C1QB: variants seen among roughly 807,000 people sequenced by gnomAD.
The protein encoded by C1QB is complement C1q subcomponent subunit B.
In C1QB, 2 loss-of-function variants were observed where a neutral mutation model predicts 4.6. The ratio of observed to expected loss-of-function variants is 0.43; its 90% confidence interval spans 0.18 to 1.36. C1QB has a LOEUF of 1.36. Among genes scored for constraint, C1QB ranks in the 40% most tolerant of loss-of-function variants. The probability of loss-of-function intolerance (pLI) is 0.28; values close to 1 mark genes in which losing one functional copy is unlikely to be tolerated. For missense variants in C1QB, 292 were observed against 338.0 expected, an observed-to-expected ratio of 0.86 and a Z score of 1.07; for synonymous variants, 132 against 137.1, an observed-to-expected ratio of 0.96 and a Z score of 0.26.
rs758439232 is a variant in C1QB at position 22,660,908 on chromosome 1, TG to T, written c.281del (p.Gly94AlafsTer50). The T allele has an allele frequency of 1.1e-5, 17 of 1,612,808 alleles. No homozygotes were observed. Among genetic ancestry groups the T allele is most frequent in the Non-Finnish European group, 1.4e-5 (16 of 1,179,526 alleles). ...GGAAAAGTCGGCCCCAAGGGCCCCATGGGCCCTAAAGGTGGCCCAGGGGCCC... is the reference window on the plus strand; with the variant it reads ...GGAAAAGTCGGCCCCAAGGGCCCCATGGCCCTAAAGGTGGCCCAGGGGCCC... The part of the protein sequence containing the change: ...NPGKVGPKGP[M>X]GPKGGPGAPG... On this transcript the variant is annotated frameshift_variant, in exon 3 of 3. Transcript: ENST00000509305. LOFTEE classifies it low-confidence loss of function (END_TRUNC).
At chr1:22,654,996 C>A (rs1642510274) in intron 1 of C1QB, among the ~76,000 whole-genome samples, 1 of 152,184 alleles carries the variant, frequency 6.6e-6, no homozygotes, top group Non-Finnish European at 1.5e-5. Context: ...GGGTTTGACT[C>A]CCAGCCACAC....
chr1:22,656,117 CACA>C (rs1044624734), intron 1 of C1QB, among the ~76,000 whole-genome samples: 10 of 152,240 alleles, frequency 6.6e-5, no homozygotes, highest in Admixed American at 5.9e-4. Flanking sequence ...GCTGAGTGAA[CACA>C]ACGTTTGTGC....
intron 1 of C1QB, 148 bp from the exon 2 acceptor site, chr1:22,659,292 A>ATGGATGGATG: frequency 1.6e-6 from 1 of 639,890 alleles, no homozygotes; most frequent in Non-Finnish European, 2.7e-6. Flanking sequence ...AGGGATAGAG[A>ATGGATGGATG]GATGGATGGA....
At position 22,659,381 on chromosome 1, in the gene C1QB, TGG is replaced by T. The variant is rs1172958922; in HGVS notation, c.-23-58_-23-57del. ...ATGGATGGATGGATGGATGGATGGA[TGG>T]ATGGATGGATGATAGGATCACCACG... On this transcript the variant is annotated intron_variant, in intron 1 of 2. Transcript: ENST00000509305. 4 of 1,439,362 alleles carry T rather than the reference TGG, an allele frequency of 2.8e-6. No individual in the cohort carries two copies. In the African/African-American group the frequency reaches 5.6e-5, roughly 20 times the overall value. 89.2% of individuals were successfully genotyped at this position (1,439,362 alleles called of 1,614,324 possible). A position where few individuals can be genotyped will look rare whatever the true frequency, so the allele number is the denominator to read the frequency against.
At chr1:22,660,071 T>C (rs1373377946) in intron 2 of C1QB, among the ~76,000 whole-genome samples, 1 of 152,214 alleles carries the variant, frequency 6.6e-6, no homozygotes, top group Non-Finnish European at 1.5e-5. Context: ...CTCCCAGCCT[T>C]GAAAACCCCT....
intron 1 of C1QB, among the ~76,000 whole-genome samples, chr1:22,657,561 G>T (rs1642546857): frequency 1.3e-5 from 2 of 152,150 alleles, no homozygotes; most frequent in Non-Finnish European, 2.9e-5. Context: ...ACAGAAAGCA[G>T]ATTCATGGTT....
In C1QB at chr1:22,661,165, T is replaced by C; in HGVS notation, c.535T>C (p.Cys179Arg). The change falls in exon 3 of 3, where the codon TGC becomes CGC. Residue 179 changes from cysteine (C) to arginine (R), a missense_variant. Physicochemically the swap from Cys to Arg is radical, Grantham distance 180. Transcript: ENST00000509305. ...CCACGCCAGCTCTCGAGGGAACCTGTGCGTGAACCTCATGCGTGGCCGGGA... is the reference window on the plus strand; with the variant it reads ...CCACGCCAGCTCTCGAGGGAACCTGCGCGTGAACCTCATGCGTGGCCGGGA... ...TYHASSRGNL[C>R]VNLMRGRERA... is the part of the protein sequence containing the mutation. 1.9e-6 allele frequency: 3 copies of C among 1,614,124 alleles called. No individual in the cohort carries two copies. The highest frequency in any genetic ancestry group is 1.7e-5 in the Admixed American group (1 of 60,022).
chr1:22,660,249 G>A (rs759308820), intron 2 of C1QB, among the ~76,000 whole-genome samples: 7 of 152,126 alleles, frequency 4.6e-5, no homozygotes, highest in African/African-American at 1.7e-4. Flanking sequence ...CTCAGTCAAG[G>A]TGACACCACT....
chr1:22,659,456 T>G lies in C1QB; in HGVS notation c.-7T>G. The G allele has an allele frequency of 6.2e-7, 1 of 1,613,930 alleles. No individual in the cohort carries two copies. Among genetic ancestry groups the G allele is most frequent in the Non-Finnish European group, 8.5e-7 (1 of 1,179,948 alleles). ...TCTCCACAGGAGGCGTCTGACACAG[T>G]ATGATGATGAAGATCCCATGGGGCA... On this transcript the variant is annotated 5_prime_UTR_variant, in exon 2 of 3. Coordinates refer to ENST00000509305, the MANE Select transcript of C1QB (RefSeq NM_001378156.1).
Position 22,661,004 on chromosome 1 carries a change from C to G in C1QB, c.374C>G (p.Thr125Arg). 1 of 1,614,066 alleles carries G rather than the reference C, an allele frequency of 6.2e-7. No homozygotes were observed. Among genetic ancestry groups the G allele is most frequent in the Non-Finnish European group, 8.5e-7 (1 of 1,180,006 alleles). The change falls in exon 3 of 3, where the codon ACA (threonine) becomes AGA (arginine). Residue 125 changes from threonine (T) to arginine (R), a missense_variant. Coordinates refer to ENST00000509305, the MANE Select transcript of C1QB (RefSeq NM_001378156.1). ...ACCCAGAAAATCGCCTTCTCTGCCA[C>G]AAGAACCATCAACGTCCCCCTGCGC... is the stretch of plus-strand genomic sequence containing the variant. ...KATQKIAFSA[T>R]RTINVPLRRD... is the part of the protein sequence containing the mutation.
intron 2 of C1QB, 47 bp downstream of exon 2, chr1:22,659,690 C>A: frequency 1.3e-6 from 2 of 1,561,886 alleles, no homozygotes; most frequent in South Asian, 1.2e-5. Context: ...CCAAATTTCC[C>A]GTCTCCTGCC....
At chr1:22,653,711 C>A (rs890446668) in intron 1 of C1QB, among the ~76,000 whole-genome samples, 2 of 152,190 alleles carry the variant, frequency 1.3e-5, no homozygotes, top group African/African-American at 4.8e-5. Flanking sequence ...AAGCTTAGTG[C>A]ATGCCCTGGC....
chr1:22,659,123 T>G (rs1260951047), intron 1 of C1QB, among the ~76,000 whole-genome samples: 3 of 122,922 alleles, frequency 2.4e-5, no homozygotes, highest in African/African-American at 6.5e-5. Flanking sequence ...GATAGAGAGA[T>G]AGATGGATGG....
chr1:22,659,064 T>TGGAG (rs1642574483), intron 1 of C1QB, among the ~76,000 whole-genome samples: 1 of 134,738 alleles, frequency 7.4e-6, no homozygotes, highest in Non-Finnish European at 1.6e-5. Flanking sequence ...GATGGATGGA[T>TGGAG]GGATGGATGG....
At chr1:22,659,745 C>G (rs1570097921) in intron 2 of C1QB, 102 bp downstream of exon 2, 1 of 1,352,252 alleles carries the variant, frequency 7.4e-7, no homozygotes, top group East Asian at 2.5e-5. Flanking sequence ...AAAGCACTGG[C>G]AAATCCAGCA....
intron 1 of C1QB, among the ~76,000 whole-genome samples, chr1:22,655,805 G>T (rs1484520080): frequency 6.6e-6 from 1 of 152,176 alleles, no homozygotes; most frequent in Non-Finnish European, 1.5e-5. Context: ...TGGGAAGTAG[G>T]CAGAGACCAC....
In C1QB at chr1:22,660,847, G is replaced by A. The variant is rs35477594; in HGVS notation, c.217G>A (p.Gly73Arg). 7.7e-4 allele frequency: 1,250 copies of A among 1,613,896 alleles called. 2 individuals carry two copies. Among genetic ancestry groups the A allele is most frequent in the Non-Finnish European group, 9.5e-4 (1,126 of 1,179,964 alleles). ...PGLAGDHGEF[G>R]EKGDPGIPGN... ...GCTGGCTGGAGACCATGGTGAGTTC[G>A]GAGAGAAGGGAGACCCAGGGATTCC... The change falls in exon 3 of 3, where the codon GGA (glycine) becomes AGA (arginine). Residue 73 changes from glycine (G) to arginine (R), a missense_variant. By Grantham distance (125) the Gly-to-Arg change is moderately radical (BLOSUM62 -2). Transcript: ENST00000509305.
intron 1 of C1QB, among the ~76,000 whole-genome samples, chr1:22,654,371 C>T (rs746033622): frequency 6.6e-6 from 1 of 152,074 alleles, no homozygotes; most frequent in Non-Finnish European, 1.5e-5. Flanking sequence ...CTGCTCCCCA[C>T]CCTCTCTCCC....
At chr1:22,659,326 AT>A in intron 1 of C1QB, 113 bp from the exon 2 acceptor site, 1 of 827,692 alleles carries the variant, frequency 1.2e-6, no homozygotes, top group East Asian at 3.5e-5. Context: ...GGATGGATGG[AT>A]GCAGATGGAG....
Sources: allele counts gnomAD v4.1 joint callset (sites outside exome capture counted in the v4.1 genomes callset), GRCh38; gene constraint gnomAD v4.1.1; transcripts MANE v1.5; gene names NCBI Gene and HGNC (gene_info 2026-07-23, HGNC 2026-07-21).